SPAG16: variants seen among roughly 807,000 people sequenced by gnomAD.
SPAG16 encodes the protein sperm associated antigen 16, also known as sperm-associated antigen 16 protein.
Under a neutral mutation model 80.4 loss-of-function variants are expected in SPAG16, and 86 were observed. That is an observed-to-expected ratio of 1.07 (90% CI 0.90 to 1.28). The LOEUF is 1.28. Ranked by LOEUF, SPAG16 falls within the 50% of genes most tolerant of loss-of-function variation. The pLI is 0.00. For missense variants in SPAG16, 870 were observed against 765.3 expected, an observed-to-expected ratio of 1.14 and a Z score of -1.61; for synonymous variants, 294 against 265.9, an observed-to-expected ratio of 1.11 and a Z score of -1.03.
At chr2:214,319,200 C>CACACCACACACACACACA (rs140486125) in intron 15 of SPAG16, among the ~76,000 whole-genome samples, 18 of 142,242 alleles carry the variant, frequency 1.3e-4, no homozygotes, top group Non-Finnish European at 2.3e-4. Flanking sequence ...CACACACACA[C>CACACCACACACACACACA]CACACACACA....
chr2:213,404,275 G>A (rs1437201662), intron 9 of SPAG16, among the ~76,000 whole-genome samples: 1 of 152,152 alleles, frequency 6.6e-6, no homozygotes, highest in Non-Finnish European at 1.5e-5. Flanking sequence ...AAAGAACAAA[G>A]CTGGAGGCAT....
intron 15 of SPAG16, among the ~76,000 whole-genome samples, chr2:214,220,547 C>A: frequency 6.6e-6 from 1 of 152,120 alleles, no homozygotes; most frequent in East Asian, 1.9e-4. Flanking sequence ...TCACACCTCT[C>A]ACGTCCAATC....
chr2:213,501,727 T>C (rs1039598873), intron 10 of SPAG16, among the ~76,000 whole-genome samples: 2 of 152,228 alleles, frequency 1.3e-5, no homozygotes, highest in Admixed American at 6.5e-5. Context: ...CTTTTCCTTT[T>C]TGTGCTTGGC....
intron 10 of SPAG16, among the ~76,000 whole-genome samples, chr2:213,838,165 C>T: frequency 6.6e-6 from 1 of 151,904 alleles, no homozygotes; most frequent in East Asian, 1.9e-4. Flanking sequence ...AGAGTTTTGT[C>T]CTTATCTCTG....
intron 10 of SPAG16, among the ~76,000 whole-genome samples, chr2:213,566,619 G>A (rs560462590): frequency 6.6e-6 from 1 of 152,218 alleles, no homozygotes; most frequent in Admixed American, 6.5e-5. Flanking sequence ...AGCTCACTGT[G>A]CAACATCTGG....
chr2:213,874,686 A>G (rs1035907385), intron 11 of SPAG16, among the ~76,000 whole-genome samples: 16 of 152,148 alleles, frequency 1.1e-4, no homozygotes, highest in Non-Finnish European at 2.2e-4. Flanking sequence ...CTCCATTATA[A>G]TCTTATGAAA....
At chr2:213,745,491 C>T (rs901978220) in intron 10 of SPAG16, among the ~76,000 whole-genome samples, 5 of 152,202 alleles carry the variant, frequency 3.3e-5, no homozygotes, top group Non-Finnish European at 7.4e-5. Flanking sequence ...GATCCACTCA[C>T]CTCGACCTCC....
In SPAG16 at chr2:213,860,433, A is replaced by ATGTC. The variant is rs1559529272; in HGVS notation, c.1071-2051_1071-2050insGTCT. Among the ~76,000 whole-genome samples the ATGTC allele has an allele frequency of 6.2e-5, 4 of 64,680 alleles. No homozygotes were observed. The South Asian group carries it at 2.8e-3, about 46-fold the overall frequency. The allele number at this position is 64,680 out of a possible 152,430, so 42.4% of individuals were successfully genotyped here. A position where few individuals can be genotyped will look rare whatever the true frequency, so the allele number is the denominator to read the frequency against. On this transcript the variant is annotated intron_variant, in intron 10 of 15. Transcript: ENST00000331683. ...TATAAATATATGTGTGTATATCTAT[A>ATGTC]TATTTATAGATATATGTATATATAT...
intron 11 of SPAG16, among the ~76,000 whole-genome samples, chr2:213,881,063 A>T (rs897007524): frequency 6.6e-6 from 1 of 152,134 alleles, no homozygotes; most frequent in African/African-American, 2.4e-5. Context: ...TTTGGGCAGT[A>T]TGGTCATTTT....
intron 10 of SPAG16, among the ~76,000 whole-genome samples, chr2:213,819,866 C>T (rs1471709908): frequency 6.6e-6 from 1 of 151,862 alleles, no homozygotes; most frequent in African/African-American, 2.4e-5. Context: ...AAACAATTCT[C>T]CTGTTTCAGT....
intron 12 of SPAG16, among the ~76,000 whole-genome samples, chr2:213,952,341 C>A (rs72950738): frequency 0.15 from 22,175 of 151,716 alleles, 2,027 homozygotes; most frequent in Non-Finnish European, 0.21. Flanking sequence ...AACAAGGAGA[C>A]GTTTATAGAG....
intron 15 of SPAG16, among the ~76,000 whole-genome samples, chr2:214,151,030 C>T (rs1216811501): frequency 1.3e-5 from 2 of 151,992 alleles, no homozygotes; most frequent in Non-Finnish European, 2.9e-5. Context: ...ACGAGGGACT[C>T]TAATGAAAAC....
At chr2:213,924,856 A>T (rs1198003876) in intron 11 of SPAG16, among the ~76,000 whole-genome samples, 1 of 152,050 alleles carries the variant, frequency 6.6e-6, no homozygotes, top group East Asian at 1.9e-4. Context: ...CTAAAAACTT[A>T]TTTTTAAAAT....
At chr2:213,673,179 G>A (rs1028885788) in intron 10 of SPAG16, among the ~76,000 whole-genome samples, 4 of 151,886 alleles carry the variant, frequency 2.6e-5, no homozygotes, top group African/African-American at 9.7e-5. Context: ...CACAGCATTT[G>A]GTAACCTCTA....
At chr2:213,698,790 A>G (rs894489212) in intron 10 of SPAG16, among the ~76,000 whole-genome samples, 19 of 152,100 alleles carry the variant, frequency 1.2e-4, no homozygotes, top group African/African-American at 4.6e-4. Context: ...GATTAACTGT[A>G]TTGGATTTGG....
intron 13 of SPAG16, among the ~76,000 whole-genome samples, chr2:214,098,991 C>G (rs1421064839): frequency 1.3e-5 from 2 of 151,988 alleles, no homozygotes; most frequent in Non-Finnish European, 2.9e-5. Flanking sequence ...GAATCCTGAA[C>G]CAGTTGGCTG....
intron 9 of SPAG16, among the ~76,000 whole-genome samples, chr2:213,448,000 G>A (rs1315495940): frequency 6.6e-6 from 1 of 152,162 alleles, no homozygotes; most frequent in African/African-American, 2.4e-5. Flanking sequence ...TTACAGTCAC[G>A]GCACTGGCCA....
intron 1 of SPAG16, among the ~76,000 whole-genome samples, chr2:213,289,441 A>T (rs2062184340): frequency 6.6e-6 from 1 of 152,172 alleles, no homozygotes; most frequent in South Asian, 2.1e-4. Context: ...AATTCTGTTG[A>T]ATTGGTAGTG....
At chr2:213,782,429 G>A (rs564400773) in intron 10 of SPAG16, among the ~76,000 whole-genome samples, 5 of 152,210 alleles carry the variant, frequency 3.3e-5, no homozygotes, top group African/African-American at 9.6e-5. Context: ...TATAATAGTC[G>A]TATAGATATG....
Sources: gnomAD v4.1 joint callset for allele counts (sites outside exome capture counted in the v4.1 genomes callset) on GRCh38, gnomAD v4.1.1 for gene constraint, MANE v1.5 for transcripts, NCBI Gene and HGNC (gene_info 2026-07-23, HGNC 2026-07-21) for gene names.